Variants in IER3IP1 observed in about 807,000 individuals in gnomAD.
IER3IP1 encodes immediate early response 3-interacting protein 1.
Under a neutral mutation model 12.2 loss-of-function variants are expected in IER3IP1, and 16 were observed. The ratio of observed to expected loss-of-function variants is 1.31; its 90% CI spans 0.89 to 1.99. The LOEUF (loss-of-function observed/expected upper bound fraction) is 1.99. Ranked by LOEUF, IER3IP1 falls within the 30% of genes most tolerant of loss-of-function variation. The pLI, the probability that IER3IP1 is intolerant of heterozygous loss-of-function variation, is 0.00. For synonymous variants in IER3IP1, 42 were observed against 40.0 expected (o/e 1.05, Z -0.19); for missense variants, 95 against 95.8 (o/e 0.99, Z 0.03).
chr18:47,165,739 AC>A (rs896709522), intron 1 of IER3IP1, among the ~76,000 whole-genome samples: 1 of 152,218 alleles, frequency 6.6e-6, no homozygotes, highest in Non-Finnish European at 1.5e-5. Context: ...TTATTAATAA[AC>A]CCTAAATCAA....
rs936791499 is a variant in IER3IP1, at chr18:47,173,524, T to C, written c.91+2663A>G. On this transcript the variant is annotated intron_variant, in intron 1 of 2. Transcript: ENST00000256433. ...CACACCCTGCTAATTTCTGTATTTT[T>C]AGTAGAGACAGGTTTCACCATGTTG... Among the ~76,000 whole-genome samples, 3 of 152,132 alleles carry C rather than the reference T, an allele frequency of 2.0e-5. No individual in the cohort carries two copies. The East Asian group carries it at 5.8e-4, about 29-fold the overall frequency.
chr18:47,161,761 TTATTTC>T (rs1170514981), intron 1 of IER3IP1, among the ~76,000 whole-genome samples: 1 of 151,958 alleles, frequency 6.6e-6, no homozygotes, highest in Non-Finnish European at 1.5e-5. Context: ...ATTGTGTACT[TTATTTC>T]TATTATTATT....
At chr18:47,163,190 G>A (rs1260752446) in intron 1 of IER3IP1, among the ~76,000 whole-genome samples, 2 of 152,128 alleles carry the variant, frequency 1.3e-5, no homozygotes, top group Non-Finnish European at 2.9e-5. Context: ...ATAAAATAGA[G>A]TAATTATAAC....
chr18:47,161,209 G>A (rs1481720293), intron 1 of IER3IP1, among the ~76,000 whole-genome samples: 3 of 152,170 alleles, frequency 2.0e-5, no homozygotes, highest in Admixed American at 2.0e-4. Flanking sequence ...TTATTTGGTT[G>A]AAATAAAATG....
chr18:47,160,578 T>A (rs114057207), intron 1 of IER3IP1, among the ~76,000 whole-genome samples: 1,669 of 152,294 alleles, frequency 0.011, 17 homozygotes, highest in Middle Eastern at 0.068. Context: ...AAGAACATGG[T>A]AATAGTTCCG....
intron 1 of IER3IP1, among the ~76,000 whole-genome samples, chr18:47,164,014 T>C (rs2063988051): frequency 6.6e-6 from 1 of 152,202 alleles, no homozygotes; most frequent in African/African-American, 2.4e-5. Flanking sequence ...AAGTACTATA[T>C]GGATTATGCA....
rs189439214 is a variant in IER3IP1, at chr18:47,152,969, A to C, written c.*3208T>G. ...CTTCTGTTCTGAAGGTTATTGACCA[A>C]TTTTACAGATAGGACAACCAAAAAC... On this transcript the variant is annotated 3_prime_UTR_variant, in exon 3 of 3. Coordinates refer to ENST00000256433, the MANE Select transcript of IER3IP1 (RefSeq NM_016097.5). 1 of 152,334 alleles carries C rather than the reference A, an allele frequency of 6.6e-6. No individual in the cohort carries two copies. The highest frequency in any genetic ancestry group is 6.5e-5 in the Admixed American group (1 of 15,300). 9.4% of individuals were successfully genotyped at this position (152,334 alleles called of 1,614,324 possible).
At position 47,168,707 on chromosome 18, in the gene IER3IP1, CT is replaced by C. The variant is rs1299202976; in HGVS notation, c.91+7479del. On this transcript the variant is annotated intron_variant, in intron 1 of 2. Coordinates refer to ENST00000256433, the MANE Select transcript of IER3IP1 (RefSeq NM_016097.5). ...CTGCTATGAACATTCTCATACATGT[CT>C]TTTGGTGCACATATTTATGAGCATT... is the stretch of plus-strand genomic sequence containing the variant. 3.3e-5 allele frequency among the ~76,000 whole-genome samples: 5 copies of C among 152,216 alleles called. No homozygotes were observed. The East Asian group carries it at 9.7e-4, about 29-fold the overall frequency.
intron 1 of IER3IP1, among the ~76,000 whole-genome samples, chr18:47,175,058 T>C (rs540887255): frequency 6.6e-6 from 1 of 152,248 alleles, no homozygotes; most frequent in Non-Finnish European, 1.5e-5. Flanking sequence ...GCAGAGTAGC[T>C]GCTGTAACTT....
intron 1 of IER3IP1, among the ~76,000 whole-genome samples, chr18:47,164,792 A>AAGAG (rs146375530): frequency 7.5e-6 from 1 of 133,490 alleles, no homozygotes; most frequent in Admixed American, 7.3e-5. Flanking sequence ...AAAAAAAAAC[A>AAGAG]AGAGAGAGAG....
Position 47,176,285 on chromosome 18 carries a change from C to T in IER3IP1, c.-8G>A, listed in dbSNP as rs772569409. The T allele has an allele frequency of 3.1e-6, 5 of 1,600,934 alleles. No individual in the cohort carries two copies. In the Admixed American group the frequency reaches 8.5e-5, roughly 27 times the overall value. ...GTACAGGGTAAAGGCCATGGCCGTC[C>T]GAGGCCGCCCCGAAGTCCAAGCGAT... On this transcript the variant is annotated 5_prime_UTR_variant, in exon 1 of 3. Coordinates refer to ENST00000256433, the MANE Select transcript of IER3IP1 (RefSeq NM_016097.5).
intron 1 of IER3IP1, among the ~76,000 whole-genome samples, chr18:47,170,220 G>GT (rs1311362051): frequency 6.6e-6 from 1 of 152,112 alleles, no homozygotes; most frequent in African/African-American, 2.4e-5. Flanking sequence ...TGATATAAAT[G>GT]TAAGGATTTT....
At chr18:47,169,966 T>C (rs1365294815) in intron 1 of IER3IP1, among the ~76,000 whole-genome samples, 3 of 152,184 alleles carry the variant, frequency 2.0e-5, no homozygotes, top group East Asian at 1.9e-4. Context: ...TCTTTGGCAC[T>C]TGTGCTTCTG....
intron 1 of IER3IP1, among the ~76,000 whole-genome samples, chr18:47,158,377 G>A (rs962043432): frequency 1.3e-5 from 2 of 151,960 alleles, no homozygotes. Flanking sequence ...CCCTGCTGGA[G>A]TTGCCCAGGC....
intron 1 of IER3IP1, among the ~76,000 whole-genome samples, chr18:47,160,067 T>C (rs994379190): frequency 3.9e-5 from 6 of 152,128 alleles, no homozygotes; most frequent in African/African-American, 1.4e-4. Context: ...TGGTGGCGCA[T>C]GCCTGTAATC....
intron 1 of IER3IP1, among the ~76,000 whole-genome samples, chr18:47,173,742 T>C (rs1245665376): frequency 6.6e-6 from 1 of 152,204 alleles, no homozygotes. Context: ...TTTTGGAGGC[T>C]AAAAGTCTGA....
Position 47,176,256 on chromosome 18 carries a change from G to C in IER3IP1, c.22C>G (p.Leu8Val). The change falls in exon 1 of 3, where the codon CTG (leucine) becomes GTG (valine). Residue 8 changes from leucine to valine, a missense_variant. Transcript: ENST00000256433. ...ACGCAGAGCAGGGCTGCCTGCAGCA[G>C]TGAGTACAGGGTAAAGGCCATGGCC... MAFTLYS[L>V]LQAALLCVNA... 6.2e-7 allele frequency: 1 copy of C among 1,609,592 alleles called. No individual in the cohort carries two copies. Among genetic ancestry groups the C allele is most frequent in the Non-Finnish European group, 8.5e-7 (1 of 1,178,152 alleles).
intron 1 of IER3IP1, among the ~76,000 whole-genome samples, chr18:47,169,873 G>T (rs1436495309): frequency 1.3e-5 from 2 of 152,082 alleles, no homozygotes; most frequent in African/African-American, 4.8e-5. Context: ...TACCTGAGTT[G>T]TAAATATTTT....
Position 47,176,177 on chromosome 18 carries a change from T to G in IER3IP1, c.91+10A>C. 2 of 1,584,780 alleles carry G rather than the reference T, an allele frequency of 1.3e-6. No homozygotes were observed. Among genetic ancestry groups the G allele is most frequent in the Admixed American group, 1.8e-5 (1 of 56,378 alleles). ...CGCCGCCCCAGCCCGCGCCCCGCGG[T>G]CCCACTCACTGTTCTTGAGGAATCG... On this transcript the variant is annotated intron_variant, in intron 1 of 2. Transcript: ENST00000256433.
Sources: allele counts gnomAD v4.1 joint callset (sites outside exome capture counted in the v4.1 genomes callset), GRCh38; gene constraint gnomAD v4.1.1; transcripts MANE v1.5; gene names NCBI Gene and HGNC (gene_info 2026-07-23, HGNC 2026-07-21).